TESK2: variants seen among roughly 807,000 people sequenced by gnomAD.
TESK2 encodes dual specificity testis-specific protein kinase 2.
Under a neutral mutation model 57.1 loss-of-function variants are expected in TESK2, and 39 were observed. The ratio of observed to expected loss-of-function variants is 0.68; its 90% CI spans 0.53 to 0.89. The LOEUF (loss-of-function observed/expected upper bound fraction) is 0.89, where lower values mean the gene tolerates loss of function less well. TESK2 is among the 40% of genes least tolerant of loss of function. The probability of loss-of-function intolerance (pLI) is 0.00; values close to 1 mark genes in which losing one functional copy is unlikely to be tolerated. For missense variants in TESK2, 646 were observed against 732.1 expected (o/e 0.88, Z 1.36); for synonymous variants, 249 against 267.9 (o/e 0.93, Z 0.69).
intron 4 of TESK2, among the ~76,000 whole-genome samples, chr1:45,355,955 T>C (rs1033529697): frequency 6.6e-6 from 1 of 152,220 alleles, no homozygotes; most frequent in African/African-American, 2.4e-5. Flanking sequence ...TTTGCTAAGA[T>C]ATGTGAACTT....
chr1:45,367,861 G>T (rs1328449060), intron 4 of TESK2, among the ~76,000 whole-genome samples: 1 of 150,262 alleles, frequency 6.7e-6, no homozygotes. Context: ...GTTTCACCAT[G>T]TTGGCCAGGC....
intron 2 of TESK2, among the ~76,000 whole-genome samples, chr1:45,448,515 C>T (rs997666132): frequency 6.6e-6 from 1 of 152,022 alleles, no homozygotes. Flanking sequence ...AAGCTTACAA[C>T]CATGGAGGAA....
At chr1:45,385,710 G>GTATGTATATATATATATATATATA (rs1553147676) in intron 4 of TESK2, among the ~76,000 whole-genome samples, 1 of 135,284 alleles carries the variant, frequency 7.4e-6, no homozygotes, top group African/African-American at 3.0e-5. Flanking sequence ...GTGTGTGTGT[G>GTATGTATATATATATATATATATA]TATATATATA....
chr1:45,361,603 C>G (rs1408627708), intron 4 of TESK2, among the ~76,000 whole-genome samples: 1 of 152,168 alleles, frequency 6.6e-6, no homozygotes, highest in Admixed American at 6.5e-5. Context: ...TAAATATATA[C>G]AGCCTTTTCC....
chr1:45,423,990 G>A (rs945255160), intron 2 of TESK2, among the ~76,000 whole-genome samples: 1 of 152,140 alleles, frequency 6.6e-6, no homozygotes, highest in African/African-American at 2.4e-5. Flanking sequence ...TAGGAATTAT[G>A]AATGAGGCAG....
At chr1:45,358,063 CA>C (rs1465479712) in intron 4 of TESK2, among the ~76,000 whole-genome samples, 7 of 147,194 alleles carry the variant, frequency 4.8e-5, no homozygotes, top group African/African-American at 1.8e-4. Context: ...CCTGTAATCC[CA>C]GCACTTTGGG....
intron 1 of TESK2, among the ~76,000 whole-genome samples, chr1:45,464,502 T>C (rs1652461490): frequency 6.6e-6 from 1 of 152,204 alleles, no homozygotes; most frequent in African/African-American, 2.4e-5. Context: ...CTAGGTATTT[T>C]ATCCTATTTG....
rs561998446 is a variant in TESK2, at chr1:45,410,358, C to T, written c.344+11367G>A. 2.6e-5 allele frequency among the ~76,000 whole-genome samples: 4 copies of T among 152,126 alleles called. No individual in the cohort carries two copies. In the South Asian group the frequency reaches 8.3e-4, roughly 32 times the overall value. Reference sequence around the variant, plus strand: ...GTGGCTCACGCCTGTAATCCCAGTACTTTGGGAGGCCGAGGCAAACGGATC... The same window carrying T: ...GTGGCTCACGCCTGTAATCCCAGTATTTTGGGAGGCCGAGGCAAACGGATC... On this transcript the variant is annotated intron_variant, in intron 3 of 10. Transcript: ENST00000372086.
intron 4 of TESK2, among the ~76,000 whole-genome samples, chr1:45,356,409 T>C (rs1243843847): frequency 6.6e-6 from 1 of 151,886 alleles, no homozygotes; most frequent in Non-Finnish European, 1.5e-5. Flanking sequence ...AGAGGATCGC[T>C]TGAGCTCAGG....
intron 3 of TESK2, among the ~76,000 whole-genome samples, chr1:45,421,352 C>T (rs1650467074): frequency 6.6e-6 from 1 of 152,100 alleles, no homozygotes; most frequent in Non-Finnish European, 1.5e-5. Flanking sequence ...ACATTTATTG[C>T]CACTCATTGA....
chr1:45,406,665 A>G (rs1649862329), intron 3 of TESK2, among the ~76,000 whole-genome samples: 1 of 152,102 alleles, frequency 6.6e-6, no homozygotes, highest in Non-Finnish European at 1.5e-5. Context: ...AAAAATAAAA[A>G]TAAAAATAAA....
At chr1:45,364,406 C>T (rs1355645350) in intron 4 of TESK2, among the ~76,000 whole-genome samples, 3 of 152,156 alleles carry the variant, frequency 2.0e-5, no homozygotes, top group African/African-American at 7.2e-5. Flanking sequence ...AGCCAAAGAA[C>T]ACCAAAAACC....
At chr1:45,436,829 A>C (rs1570729988) in intron 2 of TESK2, among the ~76,000 whole-genome samples, 16 of 118,694 alleles carry the variant, frequency 1.3e-4, no homozygotes, top group Admixed American at 1.9e-4. Context: ...ACAGAGTCTC[A>C]CTCTGTCACC....
At chr1:45,352,599 A>G (rs192079721) in intron 5 of TESK2, among the ~76,000 whole-genome samples, 4 of 152,320 alleles carry the variant, frequency 2.6e-5, no homozygotes, top group African/African-American at 7.2e-5. Context: ...CTTGTCGTCT[A>G]TGTAGCTAAA....
intron 4 of TESK2, among the ~76,000 whole-genome samples, chr1:45,372,243 T>C (rs1648218831): frequency 6.7e-6 from 1 of 149,532 alleles, no homozygotes; most frequent in Non-Finnish European, 1.5e-5. Flanking sequence ...GTGAGACCCA[T>C]CTTATTTTTG....
chr1:45,427,677 A>G (rs1441840427), intron 2 of TESK2, among the ~76,000 whole-genome samples: 2 of 152,172 alleles, frequency 1.3e-5, no homozygotes, highest in African/African-American at 4.8e-5. Context: ...CAAACTTCAC[A>G]TGTTCTCATT....
chr1:45,454,083 C>A (rs1004700729), intron 2 of TESK2, among the ~76,000 whole-genome samples: 6 of 152,126 alleles, frequency 3.9e-5, no homozygotes, highest in Non-Finnish European at 5.9e-5. Context: ...TAAAATGGCA[C>A]AACCACTACG....
intron 2 of TESK2, among the ~76,000 whole-genome samples, chr1:45,423,243 CAA>C (rs959209134): frequency 1.4e-4 from 21 of 152,124 alleles, no homozygotes; most frequent in African/African-American, 4.8e-4. Flanking sequence ...CCCACATACT[CAA>C]AGTCTCCCCC....
intron 1 of TESK2, among the ~76,000 whole-genome samples, chr1:45,467,853 A>T (rs540788212): frequency 1.4e-4 from 22 of 152,134 alleles, no homozygotes; most frequent in African/African-American, 5.1e-4. Flanking sequence ...GAATTTTTGG[A>T]TGGCCTAACT....
Sources: gnomAD v4.1 joint callset for allele counts (sites outside exome capture counted in the v4.1 genomes callset) on GRCh38, gnomAD v4.1.1 for gene constraint, MANE v1.5 for transcripts, NCBI Gene and HGNC (gene_info 2026-07-23, HGNC 2026-07-21) for gene names.